SNX24: variants seen among roughly 807,000 people sequenced by gnomAD.
The protein encoded by SNX24 is sorting nexin 24.
A neutral mutation model predicts 28.7 loss-of-function variants in SNX24; 22 were observed. The observed-to-expected ratio is 0.77, with a 90% CI of 0.55 to 1.10. The LOEUF is 1.10. SNX24 is among the 50% of genes least tolerant of loss of function. SNX24 has a pLI of 0.00. For missense variants in SNX24, 221 were observed against 201.1 expected, an observed-to-expected ratio of 1.10 and a Z score of -0.60; for synonymous variants, 69 against 71.5, an observed-to-expected ratio of 0.96 and a Z score of 0.18.
chr5:122,984,103 A>G (rs968225133), intron 3 of SNX24, among the ~76,000 whole-genome samples: 5 of 152,222 alleles, frequency 3.3e-5, no homozygotes, highest in African/African-American at 1.2e-4. Flanking sequence ...AGTCACAGAC[A>G]CAGATCCATC....
chr5:122,971,430 T>C (rs1205193910), intron 3 of SNX24, among the ~76,000 whole-genome samples: 1 of 152,168 alleles, frequency 6.6e-6, no homozygotes, highest in Non-Finnish European at 1.5e-5. Flanking sequence ...CCCAGTCAAA[T>C]TGACACTCAG....
chr5:123,026,496 A>G (rs971992306), intron 5 of SNX24, among the ~76,000 whole-genome samples: 1 of 152,212 alleles, frequency 6.6e-6, no homozygotes, highest in Non-Finnish European at 1.5e-5. Flanking sequence ...TCTCCGTCCT[A>G]TTTTACAATG....
intron 3 of SNX24, among the ~76,000 whole-genome samples, chr5:122,990,681 A>G (rs561898722): frequency 6.6e-6 from 1 of 152,336 alleles, no homozygotes; most frequent in South Asian, 2.1e-4. Context: ...GGAACATTTT[A>G]TAAGCCTAGT....
intron 1 of SNX24, among the ~76,000 whole-genome samples, chr5:122,877,708 C>T (rs1050767336): frequency 1.3e-5 from 2 of 152,260 alleles, no homozygotes; most frequent in Admixed American, 6.5e-5. Context: ...ATCCCCTACC[C>T]GAAGTTGGTT....
chr5:122,914,446 G>A (rs1253189774), intron 1 of SNX24, among the ~76,000 whole-genome samples: 29 of 151,618 alleles, frequency 1.9e-4, no homozygotes, highest in Non-Finnish European at 3.1e-4. Context: ...TTTTTCTATT[G>A]ATTGGAATAG....
intron 1 of SNX24, among the ~76,000 whole-genome samples, chr5:122,919,176 A>C (rs1758309867): frequency 6.6e-6 from 1 of 152,252 alleles, no homozygotes; most frequent in South Asian, 2.1e-4. Context: ...CAACACTTCA[A>C]GTTGAAACAG....
chr5:122,948,778 A>T (rs1759806114), intron 3 of SNX24: 1 of 152,214 alleles, frequency 6.6e-6, no homozygotes. Context: ...AAGAGTTGGG[A>T]ATGGAATTTT....
chr5:122,951,886 G>T (rs768805603), intron 3 of SNX24, among the ~76,000 whole-genome samples: 1 of 152,142 alleles, frequency 6.6e-6, no homozygotes, highest in Admixed American at 6.5e-5. Context: ...CATGGGGTGC[G>T]CAGGGAAGCT....
chr5:123,007,533 TCCTCAACCAGGCACATG>T, intron 6 of SNX24, 132 bp from the exon 7 acceptor site: 1 of 736,528 alleles, frequency 1.4e-6, no homozygotes, highest in Non-Finnish European at 2.2e-6. Context: ...TGATAGCACA[TCCTCAACCAGGCACATG>T]CCTGGCGATG....
At chr5:122,964,713 A>G (rs928710804) in intron 3 of SNX24, among the ~76,000 whole-genome samples, 2 of 152,154 alleles carry the variant, frequency 1.3e-5, no homozygotes, top group African/African-American at 4.8e-5. Context: ...GGCTTCAACA[A>G]TGATCAACTC....
At chr5:123,002,052 G>A in intron 6 of SNX24, 48 bp downstream of exon 6, 2 of 1,460,726 alleles carry the variant, frequency 1.4e-6, no homozygotes, top group Middle Eastern at 1.7e-4. Flanking sequence ...ATCTGACCCT[G>A]CACCACATAA....
At chr5:122,984,929 AG>A (rs539871208) in intron 3 of SNX24, among the ~76,000 whole-genome samples, 1 of 151,750 alleles carries the variant, frequency 6.6e-6, no homozygotes, top group East Asian at 2.0e-4. Context: ...AAAACGAAAA[AG>A]AAAAAAAGGT....
At chr5:122,972,460 A>G (rs1192739780) in intron 3 of SNX24, among the ~76,000 whole-genome samples, 9 of 152,164 alleles carry the variant, frequency 5.9e-5, no homozygotes, top group Admixed American at 5.9e-4. Flanking sequence ...CCTGCAAAGT[A>G]TTGTCACCTA....
At chr5:122,990,669 AG>A (rs747758351) in intron 3 of SNX24, among the ~76,000 whole-genome samples, 3 of 152,194 alleles carry the variant, frequency 2.0e-5, no homozygotes, top group South Asian at 2.1e-4. Context: ...GGCTGTCTGT[AG>A]GGAACATTTT....
chr5:122,911,324 T>G (rs1287198080), intron 1 of SNX24, among the ~76,000 whole-genome samples: 2 of 152,224 alleles, frequency 1.3e-5, no homozygotes, highest in African/African-American at 4.8e-5. Flanking sequence ...TTGTTTGTTT[T>G]TTTCTTGTAA....
chr5:123,017,758 G>A (rs1020214386), intron 5 of SNX24, among the ~76,000 whole-genome samples: 2 of 151,984 alleles, frequency 1.3e-5, no homozygotes, highest in African/African-American at 4.8e-5. Flanking sequence ...GAGTTTCCCT[G>A]CATCAGCTCT....
intron 1 of SNX24, among the ~76,000 whole-genome samples, chr5:122,847,803 C>T (rs751155044): frequency 1.6e-4 from 25 of 152,040 alleles, no homozygotes; most frequent in Non-Finnish European, 2.5e-4. Context: ...CCTAAAATAC[C>T]TTCTGAAGGG....
At chr5:122,880,151 G>C (rs1297359876) in intron 1 of SNX24, among the ~76,000 whole-genome samples, 1 of 152,150 alleles carries the variant, frequency 6.6e-6, no homozygotes, top group African/African-American at 2.4e-5. Context: ...ATGTGAAGCA[G>C]TGATCAATAT....
At chr5:122,996,080 G>A (rs113419578) in intron 3 of SNX24, among the ~76,000 whole-genome samples, 6 of 152,232 alleles carry the variant, frequency 3.9e-5, no homozygotes, top group Non-Finnish European at 5.9e-5. Flanking sequence ...CTCTAGAATC[G>A]GTGCAGCAAT....
Sources: gnomAD v4.1 joint callset for allele counts (sites outside exome capture counted in the v4.1 genomes callset) on GRCh38, gnomAD v4.1.1 for gene constraint, MANE v1.5 for transcripts, NCBI Gene and HGNC (gene_info 2026-07-23, HGNC 2026-07-21) for gene names.